The following WDFY3 variants were observed in gnomAD, a reference collection of about 807,000 sequenced individuals.
The protein encoded by WDFY3 is WD repeat and FYVE domain containing 3.
WDFY3 carries 66 observed loss-of-function variants against 409.6 expected under a neutral mutation model. The observed-to-expected ratio is 0.16, with a 90% CI of 0.13 to 0.20. WDFY3 has a LOEUF of 0.20. WDFY3 is among the 10% of genes least tolerant of loss of function. The pLI, the probability that WDFY3 is intolerant of heterozygous loss-of-function variation, is 1.00. For synonymous variants in WDFY3, 1,521 were observed against 1,537.1 expected, an observed-to-expected ratio of 0.99 and a Z score of 0.25; for missense variants, 3,031 against 4,298.1, an observed-to-expected ratio of 0.71 and a Z score of 8.24.
intron 2 of WDFY3, among the ~76,000 whole-genome samples, chr4:84,901,246 AC>A (rs1010859888): frequency 7.5e-4 from 114 of 152,198 alleles, no homozygotes; most frequent in African/African-American, 2.6e-3. Flanking sequence ...TCCAAAACTC[AC>A]GTTGAAATTT....
At chr4:84,819,596 T>C (rs900045366) in intron 12 of WDFY3, among the ~76,000 whole-genome samples, 6 of 152,044 alleles carry the variant, frequency 3.9e-5, no homozygotes, top group African/African-American at 1.4e-4. Context: ...TAGAAAAGTA[T>C]AAAAGAGAAA....
At chr4:84,831,144 G>A (rs1755655825) in intron 8 of WDFY3, among the ~76,000 whole-genome samples, 1 of 140,774 alleles carries the variant, frequency 7.1e-6, no homozygotes, top group Non-Finnish European at 1.5e-5. Flanking sequence ...CCAAGATCGC[G>A]CCACTGCACT....
chr4:84,749,469 G>C (rs1740107656), intron 36 of WDFY3, among the ~76,000 whole-genome samples: 1 of 152,072 alleles, frequency 6.6e-6, no homozygotes, highest in South Asian at 2.1e-4. Context: ...AATACACTAA[G>C]CCTTACTTAA....
chr4:84,813,838 T>G lies in WDFY3; in HGVS notation c.1888-3494A>C, dbSNP rs146359910. On this transcript the variant is annotated intron_variant, in intron 13 of 67. Transcript: ENST00000295888. ...CATCTATGTTCTCCCAACAATTCCT[T>G]CAAATATAAAATGTTCTTCAAATAT... Among the ~76,000 whole-genome samples the G allele has an allele frequency of 3.2e-3, 493 of 152,290 alleles. 1 individual carries two copies. Among genetic ancestry groups the G allele is most frequent in the African/African-American group, 0.011 (466 of 41,566 alleles).
Position 84,735,075 on chromosome 4 carries a change from A to G in WDFY3, c.6961T>C (p.Leu2321=). 6.2e-7 allele frequency: 1 copy of G among 1,613,430 alleles called. No homozygotes were observed. Residue 2321 remains leucine (L), a synonymous_variant, in exon 43 of 68, where the codon TTA becomes CTA. Coordinates refer to ENST00000295888, the MANE Select transcript of WDFY3 (RefSeq NM_014991.6). The part of the protein sequence containing the change: ...MFTHIAVVRD[L]VDTQYKEYQE... ...TATTCTTTATATTGTGTATCTACTA[A>G]GTCACGAACAACAGCAATGTGAGTA...
intron 47 of WDFY3, among the ~76,000 whole-genome samples, chr4:84,721,048 G>A (rs1377023140): frequency 6.6e-6 from 1 of 152,212 alleles, no homozygotes; most frequent in East Asian, 1.9e-4. Flanking sequence ...GAAGCCGCTT[G>A]TAGGTTATTA....
At chr4:84,724,184 A>C (rs1357095269) in intron 46 of WDFY3, among the ~76,000 whole-genome samples, 1 of 152,260 alleles carries the variant, frequency 6.6e-6, no homozygotes, top group East Asian at 1.9e-4. Context: ...GAATTCTGAG[A>C]AATACAATTA....
At chr4:84,918,225 C>G (rs1183302568) in intron 2 of WDFY3, among the ~76,000 whole-genome samples, 1 of 152,076 alleles carries the variant, frequency 6.6e-6, no homozygotes, top group Non-Finnish European at 1.5e-5. Flanking sequence ...AGATACACCT[C>G]CAGCAGTATG....
At chr4:84,708,064 T>C (rs1332762413) in intron 53 of WDFY3, among the ~76,000 whole-genome samples, 3 of 152,210 alleles carry the variant, frequency 2.0e-5, no homozygotes, top group African/African-American at 7.2e-5. Flanking sequence ...TAAGTGTCTT[T>C]TGTTTTGCCT....
intron 36 of WDFY3, among the ~76,000 whole-genome samples, chr4:84,748,961 G>A (rs1254416340): frequency 3.3e-5 from 5 of 151,392 alleles, no homozygotes; most frequent in Non-Finnish European, 5.9e-5. Context: ...GTGTAATTAC[G>A]GCTCACTGCA....
chr4:84,801,710 G>T lies in WDFY3; in HGVS notation c.2762C>A (p.Pro921Gln). 6.2e-7 allele frequency: 1 copy of T among 1,612,600 alleles called. No individual in the cohort carries two copies. The highest frequency in any genetic ancestry group is 8.5e-7 in the Non-Finnish European group (1 of 1,179,592). Reference protein sequence around the residue: ...ALADEDHSLHPPLQRMFERLA... With the variant: ...ALADEDHSLHQPLQRMFERLA... Reference sequence around the variant, plus strand: ...TCGTTCAAACATCCGCTGCAGGGGCGGGTGCAGTGAGTGGTCCTCATCAGC... The same window carrying T: ...TCGTTCAAACATCCGCTGCAGGGGCTGGTGCAGTGAGTGGTCCTCATCAGC... The change falls in exon 17 of 68, where the codon CCG becomes CAG. Residue 921 changes from proline to glutamine, a missense_variant. Around this residue, in one of 16 missense-constraint regions of WDFY3, gnomAD observed 1,322 missense variants for 1,697.9 expected, o/e 0.78. Coordinates refer to ENST00000295888, the MANE Select transcript of WDFY3 (RefSeq NM_014991.6).
chr4:84,875,647 C>T (rs1301151067), intron 3 of WDFY3, among the ~76,000 whole-genome samples: 1 of 152,138 alleles, frequency 6.6e-6, no homozygotes, highest in East Asian at 1.9e-4. Context: ...ACACACTGTA[C>T]AGTGGTACAA....
intron 2 of WDFY3, among the ~76,000 whole-genome samples, chr4:84,899,795 A>C (rs1766109617): frequency 6.6e-6 from 1 of 152,096 alleles, no homozygotes; most frequent in African/African-American, 2.4e-5. Context: ...AACACTTTGA[A>C]AAGCTGAGGC....
chr4:84,722,224 C>T (rs1734967637), intron 46 of WDFY3, among the ~76,000 whole-genome samples: 1 of 152,006 alleles, frequency 6.6e-6, no homozygotes, highest in African/African-American at 2.4e-5. Context: ...CCCGTCTCTA[C>T]TAAAAATACA....
chr4:84,718,057 C>T, intron 48 of WDFY3, among the ~76,000 whole-genome samples: 1 of 61,352 alleles, frequency 1.6e-5, no homozygotes, highest in African/African-American at 6.4e-5. Flanking sequence ...GACACTGTCT[C>T]AAAAAAAAAA....
chr4:84,899,199 C>T (rs1229804126), intron 2 of WDFY3, among the ~76,000 whole-genome samples: 1 of 152,026 alleles, frequency 6.6e-6, no homozygotes, highest in Admixed American at 6.6e-5. Context: ...CTAATTCAAA[C>T]AAAAATTACT....
intron 63 of WDFY3, 72 bp downstream of exon 63, chr4:84,683,871 G>A: frequency 6.7e-7 from 1 of 1,483,230 alleles, no homozygotes; most frequent in Admixed American, 1.9e-5. Context: ...TTCTTAACCT[G>A]TAATTAGCTA....
intron 1 of WDFY3, among the ~76,000 whole-genome samples, chr4:84,955,685 C>G (rs1430883320): frequency 6.6e-6 from 1 of 151,772 alleles, no homozygotes; most frequent in Non-Finnish European, 1.5e-5. Flanking sequence ...ATAATTATTT[C>G]AAAATTAAAA....
rs1397235812 is a variant in WDFY3 at position 84,844,432 on chromosome 4, A to T, written c.305-3169T>A. On this transcript the variant is annotated intron_variant, in intron 5 of 67. Coordinates refer to ENST00000295888, the MANE Select transcript of WDFY3 (RefSeq NM_014991.6). ...GCTTCTTTTCATTTGACAATATATA[A>T]CCACATCTTGGGAATGAAATTACCT... 13 of 1,287,854 alleles carry T rather than the reference A, an allele frequency of 1.0e-5. No homozygotes were observed. The East Asian group carries it at 6.7e-4, about 66-fold the overall frequency. The allele number at this position is 1,287,854 out of a possible 1,614,324, so 79.8% of individuals were successfully genotyped here. A position where few individuals can be genotyped will look rare whatever the true frequency, so the allele number is the denominator to read the frequency against.
Sources: allele counts gnomAD v4.1 joint callset (sites outside exome capture counted in the v4.1 genomes callset), GRCh38; gene constraint gnomAD v4.1.1; regional missense constraint gnomAD v4.1.1; transcripts MANE v1.5; gene names NCBI Gene and HGNC (gene_info 2026-07-23, HGNC 2026-07-21).